The following CPSF1 variants were observed in gnomAD, a reference collection of about 807,000 sequenced individuals.
CPSF1 encodes the protein cleavage and polyadenylation specific factor 1, also known as cleavage and polyadenylation specificity factor subunit 1.
Under a neutral mutation model 175.8 loss-of-function variants are expected in CPSF1, and 106 were observed. The observed-to-expected ratio is 0.60, with a 90% CI of 0.52 to 0.71. CPSF1 has a LOEUF of 0.71. Ranked by LOEUF, CPSF1 falls within the 30% of genes least tolerant of loss-of-function variation. The probability of loss-of-function intolerance (pLI) is 0.00; values close to 1 mark genes in which losing one functional copy is unlikely to be tolerated. For synonymous variants in CPSF1, 1,024 were observed against 858.3 expected (o/e 1.19, Z -3.37); for missense variants, 1,734 against 2,022.9 (o/e 0.86, Z 2.74).
rs1554863792 is a variant in CPSF1, at chr8:144,396,520, G to C, written c.2827-20C>G. ...GAAGACCTGGGGGCAGGCACCGTGA[G>C]GATGCTGTGGATGAGGATGCTGCGG... On this transcript the variant is annotated intron_variant, in intron 25 of 37. Coordinates refer to ENST00000616140, the MANE Select transcript of CPSF1 (RefSeq NM_013291.3). 3 of 1,610,938 alleles carry C rather than the reference G, an allele frequency of 1.9e-6. No homozygotes were observed.
chr8:144,394,583 C>A, intron 31 of CPSF1, 28 bp from the exon 32 acceptor site: 1 of 1,603,860 alleles, frequency 6.2e-7, no homozygotes, highest in Admixed American at 1.7e-5. Flanking sequence ...GGTGAGCGGG[C>A]GCGGACGGGG....
At chr8:144,406,243 C>T (rs2116904704) in intron 2 of CPSF1, among the ~76,000 whole-genome samples, 4 of 152,218 alleles carry the variant, frequency 2.6e-5, no homozygotes, top group Admixed American at 2.6e-4. Flanking sequence ...CGCACATCTC[C>T]TCCAGAGTTG....
intron 26 of CPSF1, 117 bp from the exon 27 acceptor site, chr8:144,395,668 G>T: frequency 1.2e-6 from 1 of 818,912 alleles, no homozygotes; most frequent in Non-Finnish European, 2.0e-6. Flanking sequence ...GCAGGGGTGG[G>T]TGAGGGGCAG....
rs782005449 is a variant in CPSF1, at chr8:144,395,193, C to T, written c.3188-11G>A. 5 of 1,612,726 alleles carry T rather than the reference C, an allele frequency of 3.1e-6. No individual in the cohort carries two copies. The South Asian group carries it at 3.3e-5, about 11-fold the overall frequency. ...GGATGTACCGCTCATCTGTGGGGACCAAGGGTGACAGTCAGAGTAGGGCTT... is the reference window on the plus strand; with the variant it reads ...GGATGTACCGCTCATCTGTGGGGACTAAGGGTGACAGTCAGAGTAGGGCTT... On this transcript the variant is annotated splice_polypyrimidine_tract_variant and intron_variant, in intron 28 of 37. Transcript: ENST00000616140.
rs1554862794 is a variant in CPSF1, at chr8:144,394,477, T to C, written c.3646A>G (p.Ile1216Val). Residue 1216 changes from isoleucine to valine, a missense_variant, in exon 32 of 38, where the codon ATC becomes GTC. By Grantham distance (29) the Ile-to-Val change is conservative. Transcript: ENST00000616140. ...IDTQLYIHQMISVKNFILAAD... is the reference protein window; with the variant it reads ...IDTQLYIHQMVSVKNFILAAD... ...GCCAGGATGAAGTTCTTGACGCTGA[T>C]CATCTGGTGTATGTAGAGCTGCGTG... 6.2e-7 allele frequency: 1 copy of C among 1,609,290 alleles called. No individual in the cohort carries two copies. Among genetic ancestry groups the C allele is most frequent in the Non-Finnish European group, 8.5e-7 (1 of 1,178,582 alleles).
At chr8:144,400,551 G>A (rs779602630) in intron 7 of CPSF1, 58 bp from the exon 8 acceptor site, 7 of 1,608,758 alleles carry the variant, frequency 4.4e-6, no homozygotes, top group Non-Finnish European at 5.1e-6. Context: ...CCCAGGCCCA[G>A]CTCCTCCCGA....
chr8:144,398,142 T>TG lies in CPSF1; in HGVS notation c.1895-11dup, dbSNP rs1820896656. Reference sequence around the variant, plus strand: ...AAGTGCAGCTGATTCACTGTAGGCATGGGGCAGTCAGCATGCGCCTCCCCA... The same window carrying TG: ...AAGTGCAGCTGATTCACTGTAGGCATGGGGGCAGTCAGCATGCGCCTCCCCA... On this transcript the variant is annotated splice_polypyrimidine_tract_variant and intron_variant, in intron 19 of 37. Coordinates refer to ENST00000616140, the MANE Select transcript of CPSF1 (RefSeq NM_013291.3). The TG allele has an allele frequency of 6.9e-7, 1 of 1,455,958 alleles. No individual in the cohort carries two copies. Among genetic ancestry groups the TG allele is most frequent in the Admixed American group, 2.1e-5 (1 of 48,394 alleles). The allele number at this position is 1,455,958 out of a possible 1,614,324, so 90.2% of individuals were successfully genotyped here.
chr8:144,398,343 A>G lies in CPSF1; in HGVS notation c.1853T>C (p.Ile618Thr). The G allele has an allele frequency of 6.7e-7, 1 of 1,496,794 alleles. No homozygotes were observed. Among genetic ancestry groups the G allele is most frequent in the East Asian group, 2.5e-5 (1 of 39,300 alleles). 92.7% of individuals were successfully genotyped at this position (1,496,794 alleles called of 1,614,324 possible). A position where few individuals can be genotyped will look rare whatever the true frequency, so the allele number is the denominator to read the frequency against. The change falls in exon 19 of 38, where the codon ATT (isoleucine) becomes ACT (threonine). Residue 618 changes from isoleucine (I) to threonine (T), a missense_variant. By Grantham distance (89) the Ile-to-Thr change is moderately conservative. Around this residue, in one of 10 missense-constraint regions of CPSF1, gnomAD observed 280 missense variants for 349.2 expected, o/e 0.80. Coordinates refer to ENST00000616140, the MANE Select transcript of CPSF1 (RefSeq NM_013291.3). ...GATGCCCAGTGGTGACACTTGGACA[A>G]TGTAGCGGTTGTCCCCGATGTTCCC... ...FAGNIGDNRY[I>T]VQVSPLGIRL...
intron 2 of CPSF1, among the ~76,000 whole-genome samples, chr8:144,407,710 CA>C (rs1167470004): frequency 1.6e-4 from 24 of 147,184 alleles, no homozygotes; most frequent in East Asian, 1.6e-3. Flanking sequence ...CCAGGAAAAA[CA>C]AAAAAAAAAA....
At position 144,396,756 on chromosome 8, in the gene CPSF1, T is replaced by A; in HGVS notation, c.2683-15A>T. The A allele has an allele frequency of 1.2e-6, 2 of 1,613,654 alleles. No individual in the cohort carries two copies. The highest frequency in any genetic ancestry group is 1.7e-6 in the Non-Finnish European group (2 of 1,179,814). The stretch of plus-strand genomic sequence containing the variant: ...TTGTGAGGGACCTGGGGGGGAACCA[T>A]GCAGGTCCTCCAGGGGCTGCCGGTC... On this transcript the variant is annotated splice_polypyrimidine_tract_variant and intron_variant, in intron 24 of 37. Coordinates refer to ENST00000616140, the MANE Select transcript of CPSF1 (RefSeq NM_013291.3).
rs200738800 is a variant in CPSF1 at position 144,396,815 on chromosome 8, G to A, written c.2682+25C>T. 2.0e-4 allele frequency: 317 copies of A among 1,613,178 alleles called. 1 individual carries two copies. The highest frequency in any genetic ancestry group is 1.4e-3 in the East Asian group (65 of 44,862). On this transcript the variant is annotated intron_variant, in intron 24 of 37. Coordinates refer to ENST00000616140, the MANE Select transcript of CPSF1 (RefSeq NM_013291.3). ...ACACCTTGTACCACACCCACCCCAC[G>A]CCCCAGCAGTCCAGCCACTGGCACC... is the stretch of plus-strand genomic sequence containing the variant.
Position 144,393,257 on chromosome 8 carries a change from T to G in CPSF1, c.*61A>C, listed in dbSNP as rs1045792539. The G allele has an allele frequency of 2.5e-5, 36 of 1,441,566 alleles. No individual in the cohort carries two copies. Among genetic ancestry groups the G allele is most frequent in the Middle Eastern group, 5.1e-4 (2 of 3,916 alleles). 89.3% of individuals were successfully genotyped at this position (1,441,566 alleles called of 1,614,324 possible). ...CAAGCAAAAAATGTTTTTCCTTGTG[T>G]TTTGTACAAAAAGGGGGTGGGAGGT... On this transcript the variant is annotated 3_prime_UTR_variant, in exon 38 of 38. Transcript: ENST00000616140.
At chr8:144,402,091 A>T (rs2116888768) in intron 2 of CPSF1, among the ~76,000 whole-genome samples, 1 of 152,178 alleles carries the variant, frequency 6.6e-6, no homozygotes, top group Non-Finnish European at 1.5e-5. Flanking sequence ...GTAGCTACTG[A>T]TCTGCGTGCC....
In CPSF1 at chr8:144,399,383, G is replaced by A. The variant is rs2116862079; in HGVS notation, c.1295-10C>T. The stretch of plus-strand genomic sequence containing the variant: ...ACCGACTTACCCGCAGCTGCACACA[G>A]AGAGCCCACTTGAGCGCAGCCCTGG... On this transcript the variant is annotated splice_polypyrimidine_tract_variant and intron_variant, in intron 13 of 37. Coordinates refer to ENST00000616140, the MANE Select transcript of CPSF1 (RefSeq NM_013291.3). The surrounding 1 kb of genome is among the most constrained non-coding windows in gnomAD (Gnocchi z 6.4). The A allele has an allele frequency of 9.9e-6, 16 of 1,612,856 alleles. No homozygotes were observed. In the South Asian group the frequency reaches 1.2e-4, roughly 12 times the overall value.
rs376334897 is a variant in CPSF1, at chr8:144,396,685, T to C, written c.2739A>G (p.Ala913=). Residue 913 remains alanine, a synonymous_variant, in exon 25 of 38, where the codon GCA becomes GCG. Coordinates refer to ENST00000616140, the MANE Select transcript of CPSF1 (RefSeq NM_013291.3). ...EKKPKPSKKK[A]EGGGAEEGAG... is the part of the protein sequence containing the mutation. ...CCCCCTCCTCTGCGCCGCCACCTTC[T>C]GCTTTCTTCTTGGATGGCTTTGGCT... is the stretch of plus-strand genomic sequence containing the variant. 31 of 1,613,834 alleles carry C rather than the reference T, an allele frequency of 1.9e-5. No homozygotes were observed. Among genetic ancestry groups the C allele is most frequent in the Non-Finnish European group, 2.5e-5 (30 of 1,180,020 alleles).
Position 144,398,043 on chromosome 8 carries a change from C to G in CPSF1, c.1984G>C (p.Glu662Gln). Reference protein sequence around the residue: ...ADPYVVIMSAEGHVTMFLLKS... With the variant: ...ADPYVVIMSAQGHVTMFLLKS... ...AGCAGGAACATGGTGACGTGGCCCT[C>G]GGCACTCATGATGACCACATAGGGG... Residue 662 changes from glutamate (E) to glutamine (Q), a missense_variant, in exon 20 of 38, where the codon GAG (glutamate) becomes CAG (glutamine). Around this residue, in one of 10 missense-constraint regions of CPSF1, gnomAD observed 280 missense variants for 349.2 expected, o/e 0.80. Coordinates refer to ENST00000616140, the MANE Select transcript of CPSF1 (RefSeq NM_013291.3). The G allele has an allele frequency of 1.2e-6, 2 of 1,612,446 alleles. No individual in the cohort carries two copies. Among genetic ancestry groups the G allele is most frequent in the African/African-American group, 1.3e-5 (1 of 74,984 alleles).
chr8:144,401,783 C>T, intron 2 of CPSF1, 110 bp from the exon 3 acceptor site: 1 of 1,157,556 alleles, frequency 8.6e-7, no homozygotes, highest in Non-Finnish European at 1.2e-6. Flanking sequence ...GGGAGCTCTG[C>T]CCAAACCCTC....
chr8:144,400,333 AT>A lies in CPSF1; in HGVS notation c.826+20del. Reference sequence around the variant, plus strand: ...CAGTGCTCTCTCCACACACTCCCCTATCCACTCCCAGGACACACACCTATGG... The same window carrying A: ...CAGTGCTCTCTCCACACACTCCCCTACCACTCCCAGGACACACACCTATGG... On this transcript the variant is annotated intron_variant, in intron 8 of 37. Transcript: ENST00000616140. 1 of 1,613,692 alleles carries A rather than the reference AT, an allele frequency of 6.2e-7. No individual in the cohort carries two copies.
At position 144,393,492 on chromosome 8, in the gene CPSF1, C is replaced by T. The variant is rs1820466492; in HGVS notation, c.4244G>A (p.Arg1415His). The change falls in exon 37 of 38, where the codon CGC becomes CAC. Residue 1415 changes from arginine (R) to histidine (H), a missense_variant. Arg to His is a conservative substitution (Grantham distance 29). Around this residue, in one of 10 missense-constraint regions of CPSF1, gnomAD observed 323 missense variants for 338.5 expected, o/e 0.95. Transcript: ENST00000616140. ...GCCGATCTTCTTGGCTAGCTCGCTG[C>T]GCTCCATGGTGCTCAGGTACAGGTA... ...NRYLYLSTME[R>H]SELAKKIGTT... 4 of 1,576,176 alleles carry T rather than the reference C, an allele frequency of 2.5e-6. No individual in the cohort carries two copies. Among genetic ancestry groups the T allele is most frequent in the Non-Finnish European group, 3.4e-6 (4 of 1,162,680 alleles).
Sources: allele counts gnomAD v4.1 joint callset (sites outside exome capture counted in the v4.1 genomes callset), GRCh38; gene constraint gnomAD v4.1.1; regional missense constraint gnomAD v4.1.1; non-coding constraint Gnocchi (gnomAD v3.1); transcripts MANE v1.5; gene names NCBI Gene and HGNC (gene_info 2026-07-23, HGNC 2026-07-21).